The following OSBPL3 variants were observed in gnomAD, a reference collection of about 807,000 sequenced individuals.
The protein encoded by OSBPL3 is oxysterol-binding protein-related protein 3.
Under a neutral mutation model 120.1 loss-of-function variants are expected in OSBPL3, and 65 were observed. That is an observed-to-expected ratio of 0.54 (90% CI 0.44 to 0.67). The LOEUF is 0.67. OSBPL3 is among the 30% of genes least tolerant of loss of function. OSBPL3 has a pLI of 0.00. For missense variants in OSBPL3, 1,004 were observed against 1,082.1 expected (o/e 0.93, Z 1.01); for synonymous variants, 416 against 402.6 (o/e 1.03, Z -0.40).
chr7:24,920,311 GAATTA>G (rs1464236856), intron 1 of OSBPL3, among the ~76,000 whole-genome samples: 1 of 152,006 alleles, frequency 6.6e-6, no homozygotes, highest in Non-Finnish European at 1.5e-5. Context: ...CCATAAAAAG[GAATTA>G]AATAGTGAGT....
chr7:24,887,622 G>A (rs911875350), intron 2 of OSBPL3, among the ~76,000 whole-genome samples: 2 of 152,186 alleles, frequency 1.3e-5, no homozygotes, highest in South Asian at 2.1e-4. Flanking sequence ...CTTGCCTGAA[G>A]TTCATCCAAT....
rs1392225104 is a variant in OSBPL3 at position 24,894,628 on chromosome 7, C to T, written c.-149-2007G>A. ...TTCCACAGTGGATTAGGAATACCAG[C>T]GGAGTGTTTGTGTGTGTGTGTACAA... On this transcript the variant is annotated intron_variant, in intron 1 of 22. Coordinates refer to ENST00000313367, the MANE Select transcript of OSBPL3 (RefSeq NM_015550.4). This position sits in a 1 kb window ranked among gnomAD's most constrained non-coding sequence, Gnocchi z 4.1. Among the ~76,000 whole-genome samples the T allele has an allele frequency of 2.0e-5, 3 of 151,986 alleles. No homozygotes were observed. The highest frequency in any genetic ancestry group is 1.9e-4 in the East Asian group (1 of 5,192).
Position 24,863,489 on chromosome 7 carries a change from G to A in OSBPL3, c.777+7C>T, listed in dbSNP as rs377680029. On this transcript the variant is annotated splice_region_variant and intron_variant, in intron 8 of 22. Coordinates refer to ENST00000313367, the MANE Select transcript of OSBPL3 (RefSeq NM_015550.4). The surrounding 1 kb of genome is among the most constrained non-coding windows in gnomAD (Gnocchi z 5.8). ...CAGAATGTCAACAGAAGAGGAGTCC[G>A]GCTCACCTGGATGGCGTTGATAGCT... The A allele has an allele frequency of 1.3e-3, 2,013 of 1,606,346 alleles. 32 individuals carry two copies. The South Asian group carries it at 0.02, about 16-fold the overall frequency.
At position 24,852,196 on chromosome 7, in the gene OSBPL3, A is replaced by C. The variant is rs1038713766; in HGVS notation, c.1158+308T>G. Among the ~76,000 whole-genome samples, 2 of 152,212 alleles carry C rather than the reference A, an allele frequency of 1.3e-5. No individual in the cohort carries two copies. The highest frequency in any genetic ancestry group is 4.8e-5 in the African/African-American group (2 of 41,446). ...AGATTTTGTAAGCATTAACAGAAAA[A>C]TGTCTGTAAGACACGCACACATACA... On this transcript the variant is annotated intron_variant, in intron 11 of 22. Transcript: ENST00000313367. This position sits in a 1 kb window ranked among gnomAD's most constrained non-coding sequence, Gnocchi z 4.1.
In OSBPL3 at chr7:24,809,628, A is replaced by T. The variant is rs1793513419; in HGVS notation, c.2317+179T>A. On this transcript the variant is annotated intron_variant, in intron 20 of 22. Coordinates refer to ENST00000313367, the MANE Select transcript of OSBPL3 (RefSeq NM_015550.4). The stretch of plus-strand genomic sequence containing the variant: ...GCCCAGCAGAGGTGTTGCTGTAAGT[A>T]AGCATGACAGGGAGGTGAAGACTGG... Among the ~76,000 whole-genome samples the T allele has an allele frequency of 2.0e-5, 3 of 152,138 alleles. No individual in the cohort carries two copies. The South Asian group carries it at 6.2e-4, about 32-fold the overall frequency.
intron 22 of OSBPL3, among the ~76,000 whole-genome samples, chr7:24,801,136 G>A (rs1792284511): frequency 6.7e-6 from 1 of 149,660 alleles, no homozygotes; most frequent in Non-Finnish European, 1.5e-5. Context: ...AGCTACTCAA[G>A]AGGCCGAGGC....
In OSBPL3 at chr7:24,862,839, A is replaced by G. The variant is rs1465193922; in HGVS notation, c.870+361T>C. Reference sequence around the variant, plus strand: ...GGAGCATCAGCGGAAGACACAGGTCACAGCACACAGCAACTGCAGCCACAA... The same window carrying G: ...GGAGCATCAGCGGAAGACACAGGTCGCAGCACACAGCAACTGCAGCCACAA... On this transcript the variant is annotated intron_variant, in intron 9 of 22. Transcript: ENST00000313367. This position sits in a 1 kb window ranked among gnomAD's most constrained non-coding sequence, Gnocchi z 4.4. Among the ~76,000 whole-genome samples the G allele has an allele frequency of 6.6e-6, 1 of 152,156 alleles. No homozygotes were observed. The highest frequency in any genetic ancestry group is 1.5e-5 in the Non-Finnish European group (1 of 68,034).
At chr7:24,840,138 T>C (rs893845830) in intron 14 of OSBPL3, among the ~76,000 whole-genome samples, 5 of 142,586 alleles carry the variant, frequency 3.5e-5, no homozygotes, top group Middle Eastern at 3.5e-3. Flanking sequence ...ATGTGGGTGC[T>C]AGATTATAAA....
chr7:24,901,016 G>T (rs1266365064), intron 1 of OSBPL3, among the ~76,000 whole-genome samples: 1 of 120,648 alleles, frequency 8.3e-6, no homozygotes, highest in Non-Finnish European at 1.7e-5. Flanking sequence ...GCCAGACCTT[G>T]TCTCGAAAAA....
intron 1 of OSBPL3, among the ~76,000 whole-genome samples, chr7:24,976,722 G>T (rs1817629799): frequency 6.6e-6 from 1 of 152,120 alleles, no homozygotes; most frequent in Admixed American, 6.5e-5. Flanking sequence ...ATTCTAGGTT[G>T]CAGGGTTCTC....
chr7:24,961,892 T>C (rs191425911), intron 1 of OSBPL3, among the ~76,000 whole-genome samples: 151 of 152,222 alleles, frequency 9.9e-4, no homozygotes, highest in African/African-American at 3.4e-3. Context: ...GAGCTGGCCA[T>C]TTACTCATTC....
At chr7:24,970,072 A>G (rs542906168) in intron 1 of OSBPL3, among the ~76,000 whole-genome samples, 24 of 151,004 alleles carry the variant, frequency 1.6e-4, no homozygotes, top group Admixed American at 1.5e-3. Context: ...TTCTGCCTAG[A>G]ATGTCCTTCC....
intron 14 of OSBPL3, among the ~76,000 whole-genome samples, chr7:24,838,586 G>A (rs956856709): frequency 6.6e-6 from 1 of 152,160 alleles, no homozygotes; most frequent in African/African-American, 2.4e-5. Flanking sequence ...GCTTTTCCTG[G>A]CTGGTGTCAA....
chr7:24,962,436 A>G (rs1461013849), intron 1 of OSBPL3, among the ~76,000 whole-genome samples: 3 of 67,498 alleles, frequency 4.4e-5, no homozygotes, highest in South Asian at 6.2e-4. Context: ...GAGAGGAGAG[A>G]GGAGGAGAGA....
Position 24,900,152 on chromosome 7 carries a change from C to A in OSBPL3, c.-149-7531G>T, listed in dbSNP as rs931442096. On this transcript the variant is annotated intron_variant, in intron 1 of 22. Transcript: ENST00000313367. This position sits in a 1 kb window ranked among gnomAD's most constrained non-coding sequence, Gnocchi z 4.5. The stretch of plus-strand genomic sequence containing the variant: ...GCAAAATCTCTGACCCTACCACAGA[C>A]CAACAAAATCAGGAACTGAGAGGGG... 6.6e-6 allele frequency among the ~76,000 whole-genome samples: 1 copy of A among 152,120 alleles called. No homozygotes were observed.
Position 24,972,800 on chromosome 7 carries a change from A to T in OSBPL3, c.-150+7086T>A, listed in dbSNP as rs1310136771. Among the ~76,000 whole-genome samples the T allele has an allele frequency of 2.0e-5, 3 of 152,216 alleles. No individual in the cohort carries two copies. Among genetic ancestry groups the T allele is most frequent in the Non-Finnish European group, 4.4e-5 (3 of 68,050 alleles). Reference sequence around the variant, plus strand: ...CTTTAGCTTCTAAACATTTCAGATGACTGTCCACCACAAATTACTTGGGGA... The same window carrying T: ...CTTTAGCTTCTAAACATTTCAGATGTCTGTCCACCACAAATTACTTGGGGA... On this transcript the variant is annotated intron_variant, in intron 1 of 22. Coordinates refer to ENST00000313367, the MANE Select transcript of OSBPL3 (RefSeq NM_015550.4). This position sits in a 1 kb window ranked among gnomAD's most constrained non-coding sequence, Gnocchi z 4.3.
upstream of OSBPL3, among the ~76,000 whole-genome samples, chr7:24,980,466 G>C (rs1010860085): frequency 6.6e-6 from 1 of 152,094 alleles, no homozygotes; most frequent in African/African-American, 2.4e-5. Flanking sequence ...GGGGCTCCCG[G>C]TGGCCCAGCT....
At chr7:24,832,281 G>A (rs1220980747) in intron 15 of OSBPL3, among the ~76,000 whole-genome samples, 18 of 151,188 alleles carry the variant, frequency 1.2e-4, no homozygotes, top group Non-Finnish European at 2.4e-4. Flanking sequence ...GGAGGCCGAG[G>A]TGGGCAGATC....
rs1343911217 is a variant in OSBPL3 at position 24,879,554 on chromosome 7, C to T, written c.97-7485G>A. On this transcript the variant is annotated intron_variant, in intron 2 of 22. Transcript: ENST00000313367. This position sits in a 1 kb window ranked among gnomAD's most constrained non-coding sequence, Gnocchi z 5.6. Reference sequence around the variant, plus strand: ...ACCAAAAACACTGGTGCCTTCATTACTTAGATAATGGGAGAATATTCATGC... The same window carrying T: ...ACCAAAAACACTGGTGCCTTCATTATTTAGATAATGGGAGAATATTCATGC... Among the ~76,000 whole-genome samples, 1 of 152,154 alleles carries T rather than the reference C, an allele frequency of 6.6e-6. No individual in the cohort carries two copies. Among genetic ancestry groups the T allele is most frequent in the Non-Finnish European group, 1.5e-5 (1 of 68,024 alleles).
Sources: gnomAD v4.1 joint callset for allele counts (sites outside exome capture counted in the v4.1 genomes callset) on GRCh38, gnomAD v4.1.1 for gene constraint, Gnocchi (gnomAD v3.1) non-coding constraint, MANE v1.5 for transcripts, NCBI Gene and HGNC (gene_info 2026-07-23, HGNC 2026-07-21) for gene names.